MTOR: variants seen among roughly 807,000 people sequenced by gnomAD.
MTOR encodes the protein mechanistic target of rapamycin kinase, also known as serine/threonine-protein kinase mTOR.
Under a neutral mutation model 319.8 loss-of-function variants are expected in MTOR, and 70 were observed. The observed-to-expected ratio is 0.22, with a 90% confidence interval of 0.18 to 0.27. MTOR has a LOEUF of 0.27. Ranked by LOEUF, MTOR falls within the 10% of genes least tolerant of loss-of-function variation. The probability of loss-of-function intolerance (pLI) is 1.00; values close to 1 mark genes in which losing one functional copy is unlikely to be tolerated. For synonymous variants in MTOR, 1,183 were observed against 1,211.4 expected, an observed-to-expected ratio of 0.98 and a Z score of 0.49; for missense variants, 1,890 against 3,274.4, an observed-to-expected ratio of 0.58 and a Z score of 10.32.
At chr1:11,125,520 C>T (rs944256319) in intron 46 of MTOR, among the ~76,000 whole-genome samples, 2 of 151,666 alleles carry the variant, frequency 1.3e-5, no homozygotes, top group East Asian at 1.9e-4. Context: ...CACCTCAGGT[C>T]GGGAGTTTGA....
Position 11,228,730 on chromosome 1 carries a change from G to A in MTOR, c.2968C>T (p.Leu990=), listed in dbSNP as rs2100854914. 6.2e-7 allele frequency: 1 copy of A among 1,614,130 alleles called. No individual in the cohort carries two copies. The highest frequency in any genetic ancestry group is 8.5e-7 in the Non-Finnish European group (1 of 1,180,020). Reference sequence around the variant, plus strand: ...AGGAACGTGGGCATGACCTGGGGCAGGAACTGCACACATTTGAGTCCCAGG... The same window carrying A: ...AGGAACGTGGGCATGACCTGGGGCAAGAACTGCACACATTTGAGTCCCAGG... ...KSLGLKCVQF[L]PQVMPTFLNV... Residue 990 remains leucine (L), a synonymous_variant, in exon 19 of 58, where the codon CTG becomes TTG. Coordinates refer to ENST00000361445, the MANE Select transcript of MTOR (RefSeq NM_004958.4).
intron 28 of MTOR, among the ~76,000 whole-genome samples, chr1:11,173,978 C>T (rs933567727): frequency 2.0e-5 from 3 of 152,128 alleles, no homozygotes; most frequent in Non-Finnish European, 4.4e-5. Flanking sequence ...CCAGGCACTG[C>T]GCTTATTGTT....
intron 19 of MTOR, among the ~76,000 whole-genome samples, chr1:11,228,343 C>CA (rs1192181963): frequency 6.6e-6 from 1 of 152,110 alleles, no homozygotes; most frequent in Non-Finnish European, 1.5e-5. Flanking sequence ...CGTGCACCAT[C>CA]ACGCATGGCT....
chr1:11,213,622 G>A, intron 20 of MTOR, 56 bp from the exon 21 acceptor site: 1 of 1,550,636 alleles, frequency 6.4e-7, no homozygotes. Context: ...GATGATATAT[G>A]AACAAAGGAA....
intron 29 of MTOR, among the ~76,000 whole-genome samples, chr1:11,164,673 G>A (rs904962647): frequency 2.6e-5 from 4 of 152,182 alleles, no homozygotes; most frequent in Non-Finnish European, 4.4e-5. Flanking sequence ...GGTACAAAGA[G>A]GAGCTGGTAC....
At chr1:11,123,781 T>C (rs946180145) in intron 47 of MTOR, among the ~76,000 whole-genome samples, 9 of 151,654 alleles carry the variant, frequency 5.9e-5, no homozygotes, top group African/African-American at 1.5e-4. Context: ...AATTTTTTTT[T>C]CCTTACTTTA....
intron 28 of MTOR, among the ~76,000 whole-genome samples, chr1:11,172,105 G>T (rs1363735928): frequency 2.7e-5 from 4 of 150,890 alleles, no homozygotes; most frequent in African/African-American, 9.9e-5. Flanking sequence ...AATGTGTGGA[G>T]GCAGGTCAGG....
Position 11,199,834 on chromosome 1 carries a change from C to T in MTOR, c.3945-131G>A. On this transcript the variant is annotated intron_variant, in intron 26 of 57. Coordinates refer to ENST00000361445, the MANE Select transcript of MTOR (RefSeq NM_004958.4). The surrounding 1 kb of genome is among the most constrained non-coding windows in gnomAD (Gnocchi z 4.5). ...CAAACCAGTGCTATACAGACCAGTG[C>T]TGTCCAAGAGAATTTTCCTGTCCAA... 2 of 857,306 alleles carry T rather than the reference C, an allele frequency of 2.3e-6. No homozygotes were observed. Among genetic ancestry groups the T allele is most frequent in the East Asian group, 2.7e-5 (1 of 37,432 alleles). The allele number at this position is 857,306 out of a possible 1,614,324, so 53.1% of individuals were successfully genotyped here. A position where few individuals can be genotyped will look rare whatever the true frequency, so the allele number is the denominator to read the frequency against.
intron 28 of MTOR, among the ~76,000 whole-genome samples, chr1:11,185,398 A>T (rs562921201): frequency 3.4e-5 from 5 of 147,634 alleles, no homozygotes; most frequent in African/African-American, 5.1e-5. Context: ...CAACACAGTG[A>T]GACCCCCATC....
In MTOR at chr1:11,212,987, ACAATT is replaced by A. The variant is rs1646358982; in HGVS notation, c.3286-84_3286-80del. 8.7e-7 allele frequency: 1 copy of A among 1,142,966 alleles called. No individual in the cohort carries two copies. The highest frequency in any genetic ancestry group is 1.3e-6 in the Non-Finnish European group (1 of 761,676). 70.8% of individuals were successfully genotyped at this position (1,142,966 alleles called of 1,614,324 possible). A position where few individuals can be genotyped will look rare whatever the true frequency, so the allele number is the denominator to read the frequency against. Reference sequence around the variant, plus strand: ...GGACACGCAGCGGGTGGTGGTGTAGACAATTCAAAGTTCTCTGGGGACTGGGAAAA... The same window carrying A: ...GGACACGCAGCGGGTGGTGGTGTAGACAAAGTTCTCTGGGGACTGGGAAAA... On this transcript the variant is annotated intron_variant, in intron 21 of 57. Coordinates refer to ENST00000361445, the MANE Select transcript of MTOR (RefSeq NM_004958.4). The surrounding 1 kb of genome is among the most constrained non-coding windows in gnomAD (Gnocchi z 4.1).
chr1:11,152,120 C>T (rs1644168768), intron 30 of MTOR, among the ~76,000 whole-genome samples: 1 of 152,192 alleles, frequency 6.6e-6, no homozygotes. Flanking sequence ...ATTGCTCTTC[C>T]ACAAACATTT....
chr1:11,136,768 G>A (rs1056508830), intron 36 of MTOR, among the ~76,000 whole-genome samples: 1 of 151,498 alleles, frequency 6.6e-6, no homozygotes, highest in Non-Finnish European at 1.5e-5. Context: ...CTCCCAAAGT[G>A]CTGGGATTAC....
intron 19 of MTOR, among the ~76,000 whole-genome samples, chr1:11,225,143 T>G (rs1318386848): frequency 2.0e-5 from 3 of 152,232 alleles, no homozygotes; most frequent in Non-Finnish European, 4.4e-5. Flanking sequence ...TGCATAACTC[T>G]GTAAATATAT....
intron 38 of MTOR, chr1:11,132,216 G>C (rs1191313740): frequency 6.6e-6 from 1 of 152,234 alleles, no homozygotes. Context: ...ACTCTGGTTA[G>C]AATACAACTC....
Position 11,237,892 on chromosome 1 carries a change from C to T in MTOR, c.2159G>A (p.Ser720Asn), listed in dbSNP as rs1345407874. ...AGGCATGACAAAGGCAGGGTTCATG[C>T]TACTGAGTCGGCCCACAGTGCAGAT... Reference protein sequence around the residue: ...LAICTVGRLSSMNPAFVMPFL... With the variant: ...LAICTVGRLSNMNPAFVMPFL... Residue 720 changes from serine to asparagine, a missense_variant, in exon 13 of 58, where the codon AGC (serine) becomes AAC (asparagine). Ser to Asn is a conservative substitution (Grantham distance 46). Transcript: ENST00000361445. 2 of 1,614,042 alleles carry T rather than the reference C, an allele frequency of 1.2e-6. No homozygotes were observed. Among genetic ancestry groups the T allele is most frequent in the Admixed American group, 1.7e-5 (1 of 60,008 alleles).
intron 49 of MTOR, 106 bp from the exon 50 acceptor site, chr1:11,117,192 G>T: frequency 1.1e-6 from 1 of 900,936 alleles, no homozygotes; most frequent in South Asian, 1.8e-5. Flanking sequence ...ACCGAGTCTC[G>T]CTCTGTCGCC....
At chr1:11,234,637 T>C (rs1422642888) in intron 13 of MTOR, among the ~76,000 whole-genome samples, 1 of 152,148 alleles carries the variant, frequency 6.6e-6, no homozygotes, top group Non-Finnish European at 1.5e-5. Flanking sequence ...GTAGGGCCCC[T>C]TGGGAGAAAA....
At chr1:11,152,042 C>T (rs1644164901) in intron 30 of MTOR, among the ~76,000 whole-genome samples, 1 of 152,196 alleles carries the variant, frequency 6.6e-6, no homozygotes, top group Non-Finnish European at 1.5e-5. Flanking sequence ...CAGTGAACTT[C>T]GCACGGCCTT....
Position 11,139,628 on chromosome 1 carries a change from T to C in MTOR, c.4903A>G (p.Lys1635Glu), listed in dbSNP as rs1273701047. ...ACAAGGGACCGCACCATAAGGATTTTCTGCCAGTCCTCTACGATACGCTGG... is the reference window on the plus strand; with the variant it reads ...ACAAGGGACCGCACCATAAGGATTTCCTGCCAGTCCTCTACGATACGCTGG... ...GCQRIVEDWQ[K>E]ILMVRSLVVS... is the part of the protein sequence containing the mutation. The change falls in exon 35 of 58, where the codon AAA becomes GAA. Residue 1635 changes from lysine to glutamate, a missense_variant. Around this residue, in one of 15 missense-constraint regions of MTOR, gnomAD observed 276 missense variants for 459.4 expected, o/e 0.60. Coordinates refer to ENST00000361445, the MANE Select transcript of MTOR (RefSeq NM_004958.4). 1 of 1,614,234 alleles carries C rather than the reference T, an allele frequency of 6.2e-7. No individual in the cohort carries two copies. The highest frequency in any genetic ancestry group is 1.7e-5 in the Admixed American group (1 of 60,026).
Sources: allele counts gnomAD v4.1 joint callset (sites outside exome capture counted in the v4.1 genomes callset), GRCh38; gene constraint gnomAD v4.1.1; regional missense constraint gnomAD v4.1.1; non-coding constraint Gnocchi (gnomAD v3.1); transcripts MANE v1.5; gene names NCBI Gene and HGNC (gene_info 2026-07-23, HGNC 2026-07-21).